Variants in HECW1 observed in about 807,000 individuals in gnomAD.
HECW1 encodes HECT, C2 and WW domain containing E3 ubiquitin protein ligase 1, also known as E3 ubiquitin-protein ligase HECW1.
In HECW1, 61 loss-of-function variants were observed where a neutral mutation model predicts 182.3. That is an observed-to-expected ratio of 0.33 (90% CI 0.27 to 0.41). HECW1 has a LOEUF of 0.41. HECW1 is among the 10% of genes least tolerant of loss of function. HECW1 has a pLI of 1.00. For missense variants in HECW1, 1,739 were observed against 2,108.9 expected (o/e 0.82, Z 3.44); for synonymous variants, 859 against 832.6 (o/e 1.03, Z -0.55).
chr7:43,131,535 A>G (rs1786917705), intron 2 of HECW1, among the ~76,000 whole-genome samples: 1 of 152,162 alleles, frequency 6.6e-6, no homozygotes, highest in African/African-American at 2.4e-5. Context: ...CATTGACTGC[A>G]TTTTTTTGGT....
intron 2 of HECW1, among the ~76,000 whole-genome samples, chr7:43,242,395 G>A (rs1205280690): frequency 1.3e-5 from 2 of 152,162 alleles, no homozygotes; most frequent in African/African-American, 2.4e-5. Context: ...TCAGTGCTTG[G>A]TTGGACAAAA....
chr7:43,203,121 G>A (rs941568215), intron 2 of HECW1, among the ~76,000 whole-genome samples: 2 of 151,998 alleles, frequency 1.3e-5, no homozygotes, highest in African/African-American at 2.4e-5. Flanking sequence ...TGCCTGCCTC[G>A]ACTTCCCAAA....
intron 3 of HECW1, among the ~76,000 whole-genome samples, chr7:43,309,213 T>TTGG (rs1301842544): frequency 6.6e-6 from 1 of 151,922 alleles, no homozygotes; most frequent in East Asian, 1.9e-4. Context: ...TACAGCAGAG[T>TTGG]TGGTGCTGGA....
intron 2 of HECW1, among the ~76,000 whole-genome samples, chr7:43,155,817 C>T (rs1583726771): frequency 6.6e-6 from 1 of 152,320 alleles, no homozygotes; most frequent in Non-Finnish European, 1.5e-5. Context: ...TCAGAGAGGT[C>T]CTGCCACCTT....
intron 2 of HECW1, among the ~76,000 whole-genome samples, chr7:43,227,577 A>C (rs995463748): frequency 1.2e-4 from 19 of 152,340 alleles, no homozygotes; most frequent in African/African-American, 4.3e-4. Context: ...GTAAAGTTAC[A>C]TTTTATGTTA....
At chr7:43,350,402 G>A (rs779848757) in intron 5 of HECW1, among the ~76,000 whole-genome samples, 2 of 152,152 alleles carry the variant, frequency 1.3e-5, no homozygotes, top group Non-Finnish European at 2.9e-5. Context: ...GTATTTGGCT[G>A]TCTAGGTCTC....
chr7:43,302,996 CT>C (rs1361600057), intron 3 of HECW1, among the ~76,000 whole-genome samples: 1 of 151,918 alleles, frequency 6.6e-6, no homozygotes, highest in Non-Finnish European at 1.5e-5. Context: ...CCTTTCCTTT[CT>C]GTGTAAACCA....
At chr7:43,485,418 T>C (rs1376231056) in intron 17 of HECW1, among the ~76,000 whole-genome samples, 1 of 152,246 alleles carries the variant, frequency 6.6e-6, no homozygotes, top group East Asian at 1.9e-4. Flanking sequence ...GAAAATAAAC[T>C]GTTTAATTAC....
intron 5 of HECW1, among the ~76,000 whole-genome samples, chr7:43,324,934 AC>A (rs1244974082): frequency 2.0e-5 from 3 of 152,036 alleles, no homozygotes; most frequent in African/African-American, 7.2e-5. Context: ...TTCTAATAGC[AC>A]TTTTCTTTGG....
intron 24 of HECW1, among the ~76,000 whole-genome samples, chr7:43,536,285 T>C (rs1298024587): frequency 6.6e-6 from 1 of 152,242 alleles, no homozygotes; most frequent in Admixed American, 6.5e-5. Context: ...GTCAGGAATA[T>C]GTCTTACGGT....
At chr7:43,344,624 C>T (rs942756168) in intron 5 of HECW1, among the ~76,000 whole-genome samples, 2 of 151,850 alleles carry the variant, frequency 1.3e-5, no homozygotes, top group African/African-American at 4.8e-5. Context: ...TCTCTGCTGT[C>T]CTTTTAGATT....
intron 2 of HECW1, among the ~76,000 whole-genome samples, chr7:43,221,593 G>A (rs1436454622): frequency 1.9e-5 from 2 of 104,550 alleles, no homozygotes; most frequent in African/African-American, 7.2e-5. Context: ...ACAGCCTGTT[G>A]CCCAGGCTGG....
intron 24 of HECW1, among the ~76,000 whole-genome samples, chr7:43,537,860 G>A (rs2081233332): frequency 1.3e-5 from 2 of 152,158 alleles, no homozygotes; most frequent in South Asian, 2.1e-4. Context: ...TCTGACTTTG[G>A]AAATTCCACC....
At chr7:43,275,895 G>A (rs548034180) in intron 3 of HECW1, among the ~76,000 whole-genome samples, 1 of 152,280 alleles carries the variant, frequency 6.6e-6, no homozygotes, top group Non-Finnish European at 1.5e-5. Flanking sequence ...GTGTTTTATA[G>A]TGTCAGCTCT....
chr7:43,554,939 T>C, intron 29 of HECW1, 149 bp downstream of exon 29: 1 of 724,234 alleles, frequency 1.4e-6, no homozygotes, highest in East Asian at 2.7e-5. Flanking sequence ...AAGGTGAAGG[T>C]GAGGTGGCTG....
intron 6 of HECW1, 77 bp downstream of exon 6, chr7:43,361,057 C>CGTGCGTGTGTGT (rs1554378430): frequency 3.1e-6 from 2 of 637,078 alleles, no homozygotes; most frequent in South Asian, 2.0e-5. Flanking sequence ...CTTGTGCGTG[C>CGTGCGTGTGTGT]GTGTGTGTGT....
At chr7:43,291,843 T>C (rs1805443997) in intron 3 of HECW1, among the ~76,000 whole-genome samples, 1 of 152,218 alleles carries the variant, frequency 6.6e-6, no homozygotes, top group Non-Finnish European at 1.5e-5. Flanking sequence ...CAAAGTATTA[T>C]CTTAGAAGTC....
At chr7:43,136,155 G>A (rs1381643802) in intron 2 of HECW1, among the ~76,000 whole-genome samples, 2 of 151,958 alleles carry the variant, frequency 1.3e-5, no homozygotes, top group African/African-American at 4.8e-5. Flanking sequence ...ACCTCGTCCT[G>A]TCTCTATGTG....
intron 5 of HECW1, among the ~76,000 whole-genome samples, chr7:43,321,794 A>T (rs1810149118): frequency 2.0e-5 from 3 of 152,104 alleles, no homozygotes; most frequent in South Asian, 2.1e-4. Flanking sequence ...TCTTATTTTC[A>T]TTCACTCCCT....
Sources: gnomAD v4.1 joint callset for allele counts (sites outside exome capture counted in the v4.1 genomes callset) on GRCh38, gnomAD v4.1.1 for gene constraint, MANE v1.5 for transcripts, NCBI Gene and HGNC (gene_info 2026-07-23, HGNC 2026-07-21) for gene names.